The following SLC43A2 variants were observed in gnomAD, a reference collection of about 807,000 sequenced individuals.
SLC43A2 encodes solute carrier family 43 member 2, also known as large neutral amino acids transporter small subunit 4.
In SLC43A2, 38 loss-of-function variants were observed where a neutral mutation model predicts 63.2. The ratio of observed to expected loss-of-function variants is 0.60; its 90% CI spans 0.46 to 0.79. SLC43A2 has a LOEUF of 0.79. Ranked by LOEUF, SLC43A2 falls within the 30% of genes least tolerant of loss-of-function variation. The pLI, the probability that SLC43A2 is intolerant of heterozygous loss-of-function variation, is 0.00. For synonymous variants in SLC43A2, 322 were observed against 331.0 expected (o/e 0.97, Z 0.30); for missense variants, 644 against 756.2 (o/e 0.85, Z 1.74).
intron 10 of SLC43A2, 163 bp downstream of exon 10, chr17:1,585,749 CG>C (rs1300164060): frequency 1.3e-6 from 2 of 1,579,268 alleles, no homozygotes; most frequent in Non-Finnish European, 1.7e-6. Flanking sequence ...GCAGTTGAAA[CG>C]CATGCTGAGC....
At chr17:1,588,967 G>A (rs904072566) in intron 9 of SLC43A2, among the ~76,000 whole-genome samples, 2 of 152,198 alleles carry the variant, frequency 1.3e-5, no homozygotes, top group East Asian at 1.9e-4. Context: ...CCCCTCCTGC[G>A]GAGCCGCAAA....
At chr17:1,579,560 C>T (rs1446234986) in intron 11 of SLC43A2, among the ~76,000 whole-genome samples, 2 of 151,966 alleles carry the variant, frequency 1.3e-5, no homozygotes, top group Non-Finnish European at 2.9e-5. Context: ...CACTTCCTGG[C>T]CTGGTGCAGT....
rs377558737 is a variant in SLC43A2, at chr17:1,594,825, T to C, written c.502-1546A>G. Among the ~76,000 whole-genome samples the C allele has an allele frequency of 9.2e-5, 14 of 151,782 alleles. No individual in the cohort carries two copies. The East Asian group carries it at 1.4e-3, about 15-fold the overall frequency. ...GGATGGTCTGGATCTCCTGACCTCGTGATCCGCCCGCCTTGGCCTCCCAAA... is the reference window on the plus strand; with the variant it reads ...GGATGGTCTGGATCTCCTGACCTCGCGATCCGCCCGCCTTGGCCTCCCAAA... On this transcript the variant is annotated intron_variant, in intron 5 of 13. Coordinates refer to ENST00000301335, the MANE Select transcript of SLC43A2 (RefSeq NM_152346.3).
At position 1,606,901 on chromosome 17, in the gene SLC43A2, C is replaced by A. The variant is rs910792675; in HGVS notation, c.501+6294G>T. Among the ~76,000 whole-genome samples, 1 of 152,224 alleles carries A rather than the reference C, an allele frequency of 6.6e-6. No individual in the cohort carries two copies. The highest frequency in any genetic ancestry group is 2.4e-5 in the African/African-American group (1 of 41,464). ...CGACAGCCACCCTTGCCCCTCGGAGCCTCCACTTGGGAGGGAAATACCACC... is the reference window on the plus strand; with the variant it reads ...CGACAGCCACCCTTGCCCCTCGGAGACTCCACTTGGGAGGGAAATACCACC... On this transcript the variant is annotated intron_variant, in intron 5 of 13. Coordinates refer to ENST00000301335, the MANE Select transcript of SLC43A2 (RefSeq NM_152346.3). The surrounding 1 kb of genome is among the most constrained non-coding windows in gnomAD (Gnocchi z 4.7).
rs1906534044 is a variant in SLC43A2 at position 1,605,605 on chromosome 17, G to GCTGGGGAGCTGGGAGGTGGGTGGGGC, written c.501+7589_501+7590insGCCCCACCCACCTCCCAGCTCCCCAG. ...CTGCGGAGCTGGGAGGTGGGTGGGG[G>GCTGGGGAGCTGGGAGGTGGGTGGGGC]CTGGGGAGCTGGGTGGTGGGTGGGG... On this transcript the variant is annotated intron_variant, in intron 5 of 13. Transcript: ENST00000301335. The surrounding 1 kb of genome is among the most constrained non-coding windows in gnomAD (Gnocchi z 4.9). 7.0e-6 allele frequency among the ~76,000 whole-genome samples: 1 copy of GCTGGGGAGCTGGGAGGTGGGTGGGGC among 142,780 alleles called. No homozygotes were observed. Among genetic ancestry groups the GCTGGGGAGCTGGGAGGTGGGTGGGGC allele is most frequent in the Non-Finnish European group, 1.5e-5 (1 of 65,142 alleles). 93.7% of individuals were successfully genotyped at this position (142,780 alleles called of 152,430 possible).
rs1327543854 is a variant in SLC43A2 at position 1,571,959 on chromosome 17, G to C, written c.*3645C>G. 6.6e-6 allele frequency: 1 copy of C among 152,002 alleles called. No homozygotes were observed. The highest frequency in any genetic ancestry group is 1.5e-5 in the Non-Finnish European group (1 of 68,290). The allele number at this position is 152,002 out of a possible 1,614,324, so 9.4% of individuals were successfully genotyped here. A position where few individuals can be genotyped will look rare whatever the true frequency, so the allele number is the denominator to read the frequency against. On this transcript the variant is annotated 3_prime_UTR_variant, in exon 14 of 14. Coordinates refer to ENST00000301335, the MANE Select transcript of SLC43A2 (RefSeq NM_152346.3). This position sits in a 1 kb window ranked among gnomAD's most constrained non-coding sequence, Gnocchi z 5.2. ...CCTCCTCACTGATCAAAACCCCAAG[G>C]GCAGGGAGCCCTTCCTGCTCCTTCC...
chr17:1,610,121 TG>T (rs1297435744), intron 5 of SLC43A2, among the ~76,000 whole-genome samples: 3 of 152,040 alleles, frequency 2.0e-5, no homozygotes, highest in Non-Finnish European at 4.4e-5. Flanking sequence ...TTCACCATGT[TG>T]GCCAGGCTGG....
upstream of SLC43A2, among the ~76,000 whole-genome samples, chr17:1,629,844 C>T (rs971208287): frequency 6.6e-6 from 1 of 152,230 alleles, no homozygotes; most frequent in Admixed American, 6.5e-5. Flanking sequence ...GCTCAGCTCC[C>T]CGTCTTCGTC....
rs576801084 is a variant in SLC43A2 at position 1,627,572 on chromosome 17, G to A, written c.160+143C>T. 7 of 790,776 alleles carry A rather than the reference G, an allele frequency of 8.9e-6. No homozygotes were observed. The Admixed American group carries it at 2.4e-4, about 27-fold the overall frequency. The allele number at this position is 790,776 out of a possible 1,614,324, so 49.0% of individuals were successfully genotyped here. On this transcript the variant is annotated intron_variant, in intron 2 of 13. Coordinates refer to ENST00000301335, the MANE Select transcript of SLC43A2 (RefSeq NM_152346.3). ...GCAATGACAAGTACCCGGCAGGGCT[G>A]GGTGAGGATCAGATGGGCCTTCTGA...
chr17:1,587,783 C>T (rs1399717959), intron 9 of SLC43A2, among the ~76,000 whole-genome samples: 1 of 152,140 alleles, frequency 6.6e-6, no homozygotes, highest in Non-Finnish European at 1.5e-5. Context: ...TCAAGGACAA[C>T]AATAGGAAAA....
In SLC43A2 at chr17:1,590,867, A is replaced by C; in HGVS notation, c.1013T>G (p.Leu338Arg). The change falls in exon 9 of 14, where the codon CTC becomes CGC. Residue 338 changes from leucine to arginine, a missense_variant. Transcript: ENST00000301335. Reference sequence around the variant, plus strand: ...GTTCATAGCCCCCATGTAGAAGATGAGCCGCAGCTGCGTGACGCACATGGT... The same window carrying C: ...GTTCATAGCCCCCATGTAGAAGATGCGCCGCAGCTGCGTGACGCACATGGT... ...LVTMCVTQLR[L>R]IFYMGAMNNI... 1 of 1,554,622 alleles carries C rather than the reference A, an allele frequency of 6.4e-7. No homozygotes were observed. Among genetic ancestry groups the C allele is most frequent in the Non-Finnish European group, 8.7e-7 (1 of 1,148,298 alleles).
chr17:1,600,307 C>T (rs1905853026), intron 5 of SLC43A2, among the ~76,000 whole-genome samples: 1 of 144,664 alleles, frequency 6.9e-6, no homozygotes, highest in Admixed American at 7.1e-5. Flanking sequence ...CCTGCCACGA[C>T]GCCTGGCTAA....
chr17:1,611,532 G>A (rs1257702597), intron 5 of SLC43A2, among the ~76,000 whole-genome samples: 1 of 151,952 alleles, frequency 6.6e-6, no homozygotes, highest in Non-Finnish European at 1.5e-5. Context: ...CTACTCGGGA[G>A]GCTGAGGTAG....
chr17:1,613,004 C>T (rs565938311), intron 5 of SLC43A2, among the ~76,000 whole-genome samples, 191 bp downstream of exon 5: 2 of 152,028 alleles, frequency 1.3e-5, no homozygotes, highest in African/African-American at 4.8e-5. Flanking sequence ...GATTGTGAAG[C>T]CACGCCCTGC....
chr17:1,601,926 C>G (rs1053105780), intron 5 of SLC43A2, among the ~76,000 whole-genome samples: 1 of 151,408 alleles, frequency 6.6e-6, no homozygotes, highest in African/African-American at 2.4e-5. Context: ...CGAGACTACC[C>G]CAGGCATGCA....
intron 2 of SLC43A2, among the ~76,000 whole-genome samples, chr17:1,627,222 G>A (rs1908736142): frequency 6.6e-6 from 1 of 152,190 alleles, no homozygotes; most frequent in Non-Finnish European, 1.5e-5. Flanking sequence ...CAAGCACTTA[G>A]GAGACTCCAC....
intron 6 of SLC43A2, among the ~76,000 whole-genome samples, 186 bp from the exon 7 acceptor site, chr17:1,591,885 G>A (rs914910398): frequency 2.0e-5 from 3 of 152,130 alleles, no homozygotes; most frequent in Admixed American, 1.3e-4. Context: ...TCCTCCCACC[G>A]TGCCTGCCCT....
In SLC43A2 at chr17:1,593,163, C is replaced by T; in HGVS notation, c.594+24G>A. The T allele has an allele frequency of 6.3e-7, 1 of 1,599,956 alleles. No individual in the cohort carries two copies. The highest frequency in any genetic ancestry group is 8.6e-7 in the Non-Finnish European group (1 of 1,168,698). ...CCTGGAGCAGGCCTCTGCACAGACA[C>T]CAGTGCAAAATACACGTGCTCACCT... On this transcript the variant is annotated intron_variant, in intron 6 of 13. Coordinates refer to ENST00000301335, the MANE Select transcript of SLC43A2 (RefSeq NM_152346.3). This position sits in a 1 kb window ranked among gnomAD's most constrained non-coding sequence, Gnocchi z 5.3.
chr17:1,628,588 T>TA (rs945785064), intron 1 of SLC43A2, among the ~76,000 whole-genome samples: 8 of 151,966 alleles, frequency 5.3e-5, no homozygotes, highest in African/African-American at 1.9e-4. Context: ...TCTCGGGCGT[T>TA]CCCCCGGCAA....
Sources: gnomAD v4.1 joint callset for allele counts (sites outside exome capture counted in the v4.1 genomes callset) on GRCh38, gnomAD v4.1.1 for gene constraint, Gnocchi (gnomAD v3.1) non-coding constraint, MANE v1.5 for transcripts, NCBI Gene and HGNC (gene_info 2026-07-23, HGNC 2026-07-21) for gene names.